Variants in SCHIP1 observed in about 807,000 individuals in gnomAD.
The protein encoded by SCHIP1 is schwannomin-interacting protein 1.
A neutral mutation model predicts 29.7 loss-of-function variants in SCHIP1; 8 were observed. The ratio of observed to expected loss-of-function variants is 0.27; its 90% CI spans 0.16 to 0.49. The LOEUF is 0.49. Ranked by LOEUF, SCHIP1 falls within the 20% of genes least tolerant of loss-of-function variation. SCHIP1 has a pLI of 0.99. For synonymous variants in SCHIP1, 76 were observed against 94.9 expected, an observed-to-expected ratio of 0.80 and a Z score of 1.16; for missense variants, 193 against 294.6, an observed-to-expected ratio of 0.66 and a Z score of 2.52.
intron 5 of SCHIP1, among the ~76,000 whole-genome samples, chr3:159,891,683 G>C (rs1271136425): frequency 6.6e-6 from 1 of 152,118 alleles, no homozygotes; most frequent in East Asian, 1.9e-4. Context: ...TTTCAGCTGG[G>C]CATCTAATGT....
the SCHIP1 span, among the ~76,000 whole-genome samples, chr3:159,806,011 A>G: frequency 2.6e-5 from 4 of 151,984 alleles, no homozygotes; most frequent in Non-Finnish European, 4.4e-5. Flanking sequence ...AGTTTCACCA[A>G]GTTGGCCAGG....
the SCHIP1 span, among the ~76,000 whole-genome samples, chr3:159,804,038 C>G: frequency 6.6e-6 from 1 of 152,172 alleles, no homozygotes; most frequent in Non-Finnish European, 1.5e-5. Flanking sequence ...AAAAATAGTA[C>G]AATGACCCTT....
the SCHIP1 span, among the ~76,000 whole-genome samples, chr3:159,367,055 G>A: frequency 6.6e-6 from 1 of 152,138 alleles, no homozygotes; most frequent in Non-Finnish European, 1.5e-5. Flanking sequence ...CTATGAAAAT[G>A]TAGTACAGAT....
chr3:159,282,257 A>G, the SCHIP1 span, among the ~76,000 whole-genome samples: 1 of 152,000 alleles, frequency 6.6e-6, no homozygotes, highest in Non-Finnish European at 1.5e-5. Flanking sequence ...TGTTAATTTA[A>G]TAGATTGAAA....
At chr3:159,868,908 A>G (rs1714936630) in intron 2 of SCHIP1, among the ~76,000 whole-genome samples, 1 of 152,104 alleles carries the variant, frequency 6.6e-6, no homozygotes, top group South Asian at 2.1e-4. Flanking sequence ...TTATACTCCT[A>G]CCAGCAATGT....
At chr3:159,749,548 C>T in the SCHIP1 span, among the ~76,000 whole-genome samples, 13 of 152,098 alleles carry the variant, frequency 8.5e-5, no homozygotes, top group Admixed American at 5.2e-4. Context: ...CACTAGGTCG[C>T]GCTTTAGGTT....
At chr3:159,837,814 A>AGGATG, upstream of SCHIP1, among the ~76,000 whole-genome samples, 1 of 152,116 alleles carries the variant, frequency 6.6e-6, no homozygotes, top group Admixed American at 6.5e-5. Flanking sequence ...ATGGAGTTTT[A>AGGATG]GGATGGGGGT....
At chr3:159,676,113 G>A in the SCHIP1 span, among the ~76,000 whole-genome samples, 2 of 151,978 alleles carry the variant, frequency 1.3e-5, no homozygotes, top group African/African-American at 4.8e-5. Flanking sequence ...CCTGAGCGAC[G>A]GTGCAAGACT....
the SCHIP1 span, among the ~76,000 whole-genome samples, chr3:159,699,101 G>A: frequency 3.4e-3 from 519 of 152,144 alleles, 5 homozygotes; most frequent in African/African-American, 0.012. Flanking sequence ...ATGTCTCTGT[G>A]CCCAGTGGAA....
At chr3:159,392,013 G>A in the SCHIP1 span, among the ~76,000 whole-genome samples, 14 of 152,308 alleles carry the variant, frequency 9.2e-5, no homozygotes, top group Admixed American at 5.2e-4. Flanking sequence ...AACCTGTCCA[G>A]GTCTTTTGGC....
chr3:159,580,970 C>A, the SCHIP1 span, among the ~76,000 whole-genome samples: 1 of 152,106 alleles, frequency 6.6e-6, no homozygotes. Context: ...AAAATTGTGT[C>A]TCTTTTTAGA....
the SCHIP1 span, among the ~76,000 whole-genome samples, chr3:159,824,163 C>T: frequency 6.6e-6 from 1 of 152,208 alleles, no homozygotes; most frequent in South Asian, 2.1e-4. Context: ...CATTAACCCT[C>T]ATATTAATAA....
the SCHIP1 span, among the ~76,000 whole-genome samples, chr3:159,533,429 G>T: frequency 6.6e-6 from 1 of 152,082 alleles, no homozygotes; most frequent in South Asian, 2.1e-4. Flanking sequence ...GTTCCTAGAA[G>T]GTGTTGCCTC....
the SCHIP1 span, among the ~76,000 whole-genome samples, chr3:159,781,414 G>A: frequency 1.3e-5 from 2 of 152,160 alleles, no homozygotes; most frequent in African/African-American, 4.8e-5. Flanking sequence ...GATCTCAGGT[G>A]ATCCATACAC....
chr3:159,279,074 C>G, the SCHIP1 span, among the ~76,000 whole-genome samples: 2 of 152,158 alleles, frequency 1.3e-5, no homozygotes, highest in Admixed American at 1.3e-4. Flanking sequence ...TGACTGAACC[C>G]AGTCACATGC....
At chr3:159,896,180 G>A (rs1037539323) in intron 6 of SCHIP1, among the ~76,000 whole-genome samples, 3 of 152,212 alleles carry the variant, frequency 2.0e-5, no homozygotes, top group African/African-American at 7.2e-5. Context: ...TTTCTGTCAG[G>A]AGTCTTAGTT....
chr3:159,526,319 C>T, the SCHIP1 span, among the ~76,000 whole-genome samples: 1 of 152,224 alleles, frequency 6.6e-6, no homozygotes, highest in Non-Finnish European at 1.5e-5. Flanking sequence ...TAGGGGTGCA[C>T]CACTGTGCCC....
At chr3:159,680,689 A>ATATATAATATACATAT in the SCHIP1 span, among the ~76,000 whole-genome samples, 5 of 50,144 alleles carry the variant, frequency 1.0e-4, no homozygotes, top group Non-Finnish European at 1.6e-4. Flanking sequence ...TAATATATGT[A>ATATATAATATACATAT]TATATATAAT....
At chr3:159,308,518 G>A in the SCHIP1 span, among the ~76,000 whole-genome samples, 11 of 151,992 alleles carry the variant, frequency 7.2e-5, no homozygotes, top group Non-Finnish European at 1.6e-4. Flanking sequence ...TTAAACAGAT[G>A]CTGGTAAGAC....
Sources: gnomAD v4.1 joint callset for allele counts (sites outside exome capture counted in the v4.1 genomes callset) on GRCh38, gnomAD v4.1.1 for gene constraint, MANE v1.5 for transcripts, NCBI Gene and HGNC (gene_info 2026-07-23, HGNC 2026-07-21) for gene names.